CSMD3: variants seen among roughly 807,000 people sequenced by gnomAD.
CSMD3 encodes the protein CUB and sushi domain-containing protein 3.
A neutral mutation model predicts 435.2 loss-of-function variants in CSMD3; 177 were observed. The ratio of observed to expected loss-of-function variants is 0.41; its 90% confidence interval spans 0.36 to 0.46. The LOEUF (loss-of-function observed/expected upper bound fraction) is 0.46. Among genes scored for constraint, CSMD3 ranks in the 20% least tolerant of loss-of-function variants. The probability of loss-of-function intolerance (pLI) is 0.34; values close to 1 mark genes in which losing one functional copy is unlikely to be tolerated. For synonymous variants in CSMD3, 1,656 were observed against 1,520.5 expected, an observed-to-expected ratio of 1.09 and a Z score of -2.07; for missense variants, 4,265 against 4,504.6, an observed-to-expected ratio of 0.95 and a Z score of 1.52.
At chr8:113,192,824 G>A (rs138269289) in intron 3 of CSMD3, among the ~76,000 whole-genome samples, 14 of 149,366 alleles carry the variant, frequency 9.4e-5, no homozygotes, top group African/African-American at 3.3e-4. Flanking sequence ...CAAATTTTTC[G>A]ATTCTGTTTG....
At chr8:112,253,872 A>T (rs1815512096) in intron 63 of CSMD3, among the ~76,000 whole-genome samples, 1 of 151,938 alleles carries the variant, frequency 6.6e-6, no homozygotes, top group South Asian at 2.1e-4. Flanking sequence ...TGTTTGTCTC[A>T]GAAGTCTCTC....
chr8:112,598,419 A>G (rs1831971616), intron 22 of CSMD3, among the ~76,000 whole-genome samples: 1 of 149,724 alleles, frequency 6.7e-6, no homozygotes, highest in African/African-American at 2.5e-5. Flanking sequence ...GGAAGAATCA[A>G]TATTGTGAAA....
At chr8:112,696,123 C>G (rs1025881682) in intron 13 of CSMD3, among the ~76,000 whole-genome samples, 2 of 152,164 alleles carry the variant, frequency 1.3e-5, no homozygotes, top group Non-Finnish European at 2.9e-5. Context: ...TATGAAGAAT[C>G]AGTATCGTGA....
At chr8:113,088,063 AC>A (rs1486662991) in intron 5 of CSMD3, among the ~76,000 whole-genome samples, 1 of 149,102 alleles carries the variant, frequency 6.7e-6, no homozygotes, top group African/African-American at 2.5e-5. Flanking sequence ...ATGAACAGAC[AC>A]TTCTCAAAAG....
At chr8:112,990,970 AT>A (rs1029485733) in intron 6 of CSMD3, among the ~76,000 whole-genome samples, 1 of 151,752 alleles carries the variant, frequency 6.6e-6, no homozygotes, top group African/African-American at 2.4e-5. Context: ...AAAAAGTAAA[AT>A]TTTTGTTGTT....
intron 4 of CSMD3, among the ~76,000 whole-genome samples, chr8:113,143,084 T>G (rs2091588662): frequency 6.6e-6 from 1 of 150,984 alleles, no homozygotes; most frequent in South Asian, 2.1e-4. Context: ...GATTAATATC[T>G]TGAATATATA....
Position 112,936,399 on chromosome 8 carries a change from T to A in CSMD3, c.1508+11391A>T, listed in dbSNP as rs1031285033. On this transcript the variant is annotated intron_variant, in intron 9 of 70. Coordinates refer to ENST00000297405, the MANE Select transcript of CSMD3 (RefSeq NM_198123.2). Reference sequence around the variant, plus strand: ...AGCATTTACAACATAATAAGGATATTTTCTTTCACAAAATTTACATATACA... The same window carrying A: ...AGCATTTACAACATAATAAGGATATATTCTTTCACAAAATTTACATATACA... 2.0e-4 allele frequency among the ~76,000 whole-genome samples: 31 copies of A among 152,104 alleles called. 1 individual carries two copies.
chr8:112,687,355 A>G (rs2076035605), intron 14 of CSMD3, among the ~76,000 whole-genome samples: 2 of 152,128 alleles, frequency 1.3e-5, no homozygotes, highest in Non-Finnish European at 2.9e-5. Flanking sequence ...TTATCTGCTC[A>G]TAAACTGATC....
chr8:112,334,163 T>C (rs752640944), intron 45 of CSMD3, among the ~76,000 whole-genome samples: 30 of 152,202 alleles, frequency 2.0e-4, no homozygotes, highest in African/African-American at 4.8e-5. Flanking sequence ...AACCCCTGAC[T>C]TTTCAACTGG....
intron 1 of CSMD3, among the ~76,000 whole-genome samples, chr8:113,408,287 A>G (rs756480628): frequency 9.2e-5 from 14 of 152,182 alleles, no homozygotes; most frequent in Non-Finnish European, 2.1e-4. Flanking sequence ...ACAGTTACAG[A>G]CAATCATAAT....
chr8:113,108,151 T>TG (rs1232264969), intron 4 of CSMD3, among the ~76,000 whole-genome samples: 1 of 151,978 alleles, frequency 6.6e-6, no homozygotes, highest in Admixed American at 6.6e-5. Context: ...GATATGAGGC[T>TG]GGGGATGGTG....
At chr8:112,626,723 T>C (rs1834505262) in intron 22 of CSMD3, among the ~76,000 whole-genome samples, 1 of 152,066 alleles carries the variant, frequency 6.6e-6, no homozygotes, top group African/African-American at 2.4e-5. Context: ...CGTTATCATT[T>C]AATTATCTTC....
chr8:112,306,090 C>A lies in CSMD3; in HGVS notation c.7988G>T (p.Arg2663Leu). ...TGTAGTGAGTTCTTTGGATGACAAT[C>A]GATATCCATCATTACAAAAATAGGT... ...RVTYFCNDGY[R>L]LSSKELTTAV... Residue 2663 changes from arginine to leucine, a missense_variant, in exon 51 of 71, where the codon CGA (arginine) becomes CTA (leucine). Arg to Leu is a moderately radical substitution (Grantham distance 102). Around this residue, in one of 3 missense-constraint regions of CSMD3, gnomAD observed 3,255 missense variants for 3,380.2 expected, o/e 0.96. Transcript: ENST00000297405. 6.2e-7 allele frequency: 1 copy of A among 1,613,078 alleles called. No individual in the cohort carries two copies. The highest frequency in any genetic ancestry group is 1.1e-5 in the South Asian group (1 of 91,062).
chr8:112,865,347 T>A (rs143335696), intron 10 of CSMD3, among the ~76,000 whole-genome samples: 17 of 152,250 alleles, frequency 1.1e-4, no homozygotes, highest in African/African-American at 3.6e-4. Flanking sequence ...CTGAGATCTG[T>A]CTATTGTTGT....
intron 55 of CSMD3, 106 bp downstream of exon 55, chr8:112,292,431 G>A: frequency 9.2e-7 from 1 of 1,087,564 alleles, no homozygotes; most frequent in East Asian, 2.4e-5. Flanking sequence ...TGTTTTATTA[G>A]ATAAAAACTT....
chr8:113,261,926 T>A (rs908639476), intron 3 of CSMD3, among the ~76,000 whole-genome samples: 3 of 152,032 alleles, frequency 2.0e-5, no homozygotes, highest in African/African-American at 7.2e-5. Context: ...TCCCCTTCCT[T>A]ATCTTCAAAA....
At chr8:113,118,796 C>T (rs1424277982) in intron 4 of CSMD3, among the ~76,000 whole-genome samples, 2 of 152,086 alleles carry the variant, frequency 1.3e-5, no homozygotes, top group Non-Finnish European at 2.9e-5. Context: ...AAGAAGATTC[C>T]AGCAAGGTGA....
chr8:113,196,532 CA>C (rs2092657924), intron 3 of CSMD3, among the ~76,000 whole-genome samples: 1 of 151,108 alleles, frequency 6.6e-6, no homozygotes, highest in African/African-American at 2.4e-5. Flanking sequence ...GTCAGAACAG[CA>C]CATGAAACAC....
intron 53 of CSMD3, 83 bp from the exon 54 acceptor site, chr8:112,296,089 C>A (rs2130718359): frequency 9.0e-7 from 1 of 1,106,398 alleles, no homozygotes; most frequent in East Asian, 2.6e-5. Flanking sequence ...CATGAGCAAA[C>A]CTTTAAAGTT....
Sources: allele counts gnomAD v4.1 joint callset (sites outside exome capture counted in the v4.1 genomes callset), GRCh38; gene constraint gnomAD v4.1.1; regional missense constraint gnomAD v4.1.1; transcripts MANE v1.5; gene names NCBI Gene and HGNC (gene_info 2026-07-23, HGNC 2026-07-21).